The following HHAT variants were observed in gnomAD, a reference collection of about 807,000 sequenced individuals.
HHAT encodes the protein protein-cysteine N-palmitoyltransferase HHAT.
Under a neutral mutation model 70.8 loss-of-function variants are expected in HHAT, and 47 were observed. The observed-to-expected ratio is 0.66, with a 90% CI of 0.53 to 0.85. HHAT has a LOEUF of 0.85. HHAT is among the 40% of genes least tolerant of loss of function. The probability of loss-of-function intolerance (pLI) is 0.00; values close to 1 mark genes in which losing one functional copy is unlikely to be tolerated. For missense variants in HHAT, 609 were observed against 604.8 expected, an observed-to-expected ratio of 1.01 and a Z score of -0.07; for synonymous variants, 228 against 247.6, an observed-to-expected ratio of 0.92 and a Z score of 0.74.
At chr1:210,445,482 C>T (rs1027711937) in intron 7 of HHAT, among the ~76,000 whole-genome samples, 1 of 152,056 alleles carries the variant, frequency 6.6e-6, no homozygotes, top group African/African-American at 2.4e-5. Context: ...CTTTCTATGG[C>T]TTTACTGTAA....
rs139977180 is a variant in HHAT at position 210,501,852 on chromosome 1, A to C, written c.1008-11301A>C. Among the ~76,000 whole-genome samples the C allele has an allele frequency of 3.3e-5, 5 of 152,106 alleles. No homozygotes were observed. In the East Asian group the frequency reaches 5.8e-4, roughly 18 times the overall value. The stretch of plus-strand genomic sequence containing the variant: ...CACATCAAGAACACTGCCTTGCTTC[A>C]TCCGAGACCTTCTCCCTGAGCTGCC... On this transcript the variant is annotated intron_variant, in intron 8 of 11. Coordinates refer to ENST00000261458, the MANE Select transcript of HHAT (RefSeq NM_018194.6).
Position 210,511,554 on chromosome 1 carries a change from C to T in HHAT, c.1008-1599C>T, listed in dbSNP as rs139950141. On this transcript the variant is annotated intron_variant, in intron 8 of 11. Coordinates refer to ENST00000261458, the MANE Select transcript of HHAT (RefSeq NM_018194.6). ...GATGAGTCAAGGGTGTCGCCGGAAG[C>T]TAGGGACAGGCAGGGTCTGGACAGG... Among the ~76,000 whole-genome samples, 72 of 152,156 alleles carry T rather than the reference C, an allele frequency of 4.7e-4. No individual in the cohort carries two copies. The East Asian group carries it at 7.0e-3, about 15-fold the overall frequency.
intron 11 of HHAT, among the ~76,000 whole-genome samples, chr1:210,632,861 A>ATTT (rs1671145758): frequency 2.0e-5 from 3 of 152,306 alleles, no homozygotes; most frequent in Non-Finnish European, 4.4e-5. Flanking sequence ...ACATGCACAG[A>ATTT]GGAAGATAAT....
At chr1:210,442,991 C>A (rs1034036169) in intron 7 of HHAT, among the ~76,000 whole-genome samples, 2 of 152,154 alleles carry the variant, frequency 1.3e-5, no homozygotes, top group Non-Finnish European at 2.9e-5. Flanking sequence ...TTAGGTCTAA[C>A]ATTTAAGTCT....
At chr1:210,571,860 G>A (rs969293333) in intron 9 of HHAT, among the ~76,000 whole-genome samples, 5 of 152,204 alleles carry the variant, frequency 3.3e-5, no homozygotes, top group South Asian at 2.1e-4. Context: ...TGTGACACAC[G>A]TTTAATGTCA....
intron 11 of HHAT, among the ~76,000 whole-genome samples, chr1:210,635,266 T>C (rs1340872359): frequency 6.6e-6 from 1 of 152,168 alleles, no homozygotes; most frequent in African/African-American, 2.4e-5. Context: ...CCTGGGATCA[T>C]AGCCAGAGAG....
chr1:210,481,503 C>T (rs1001137342), intron 8 of HHAT, among the ~76,000 whole-genome samples: 1 of 152,070 alleles, frequency 6.6e-6, no homozygotes, highest in African/African-American at 2.4e-5. Context: ...TCACTTTTAA[C>T]AATGAAATCG....
intron 1 of HHAT, among the ~76,000 whole-genome samples, chr1:210,334,177 C>CTTTTTTTTTTTTTTTTTTTTTT (rs1342123521): frequency 1.2e-4 from 4 of 34,546 alleles, no homozygotes; most frequent in African/African-American, 6.6e-4. Flanking sequence ...TTTAGCGTGT[C>CTTTTTTTTTTTTTTTTTTTTTT]ATTTTTTTTT....
chr1:210,582,817 G>A (rs928209753), intron 9 of HHAT, among the ~76,000 whole-genome samples: 4 of 152,176 alleles, frequency 2.6e-5, no homozygotes, highest in Non-Finnish European at 4.4e-5. Flanking sequence ...GTTCAAAAGC[G>A]GAAGTTATAC....
intron 3 of HHAT, among the ~76,000 whole-genome samples, chr1:210,366,031 A>G (rs754620136): frequency 1.1e-4 from 16 of 152,044 alleles, no homozygotes; most frequent in Non-Finnish European, 2.1e-4. Flanking sequence ...CCTAGGCTCA[A>G]ACGATCCTTC....
intron 2 of HHAT, among the ~76,000 whole-genome samples, chr1:210,357,048 A>G (rs939163391): frequency 6.6e-6 from 1 of 152,230 alleles, no homozygotes; most frequent in African/African-American, 2.4e-5. Flanking sequence ...GGCTCCAAAC[A>G]TTCTGTTTGG....
intron 11 of HHAT, among the ~76,000 whole-genome samples, chr1:210,637,046 G>C (rs536246191): frequency 1.3e-5 from 2 of 152,074 alleles, no homozygotes; most frequent in African/African-American, 4.8e-5. Flanking sequence ...CACCTACCTC[G>C]TAGGGGGTTG....
chr1:210,556,965 G>A (rs2095578417), intron 9 of HHAT, among the ~76,000 whole-genome samples: 1 of 152,228 alleles, frequency 6.6e-6, no homozygotes, highest in Non-Finnish European at 1.5e-5. Context: ...GATTGTGGCT[G>A]TAGAAATAGG....
intron 1 of HHAT, among the ~76,000 whole-genome samples, chr1:210,339,899 A>G (rs952728152): frequency 6.6e-6 from 1 of 152,148 alleles, no homozygotes. Context: ...TATATTTTAA[A>G]CTATTCTGTA....
chr1:210,444,275 A>T (rs1194191528), intron 7 of HHAT, among the ~76,000 whole-genome samples: 1 of 117,918 alleles, frequency 8.5e-6, no homozygotes, highest in Admixed American at 8.8e-5. Context: ...TTTTTGCATC[A>T]ATGTTCATCA....
intron 7 of HHAT, among the ~76,000 whole-genome samples, chr1:210,454,707 G>A (rs1246046587): frequency 6.6e-6 from 1 of 152,210 alleles, no homozygotes; most frequent in Non-Finnish European, 1.5e-5. Flanking sequence ...TGAGGAACAA[G>A]ATGGGCAAAT....
At chr1:210,609,929 T>C (rs550267776) in intron 10 of HHAT, among the ~76,000 whole-genome samples, 1 of 152,348 alleles carries the variant, frequency 6.6e-6, no homozygotes, top group Non-Finnish European at 1.5e-5. Flanking sequence ...GGCGTTTAGA[T>C]TGACTCCATG....
At chr1:210,486,146 G>C (rs921295574) in intron 8 of HHAT, among the ~76,000 whole-genome samples, 32 of 152,176 alleles carry the variant, frequency 2.1e-4, no homozygotes, top group African/African-American at 7.7e-4. Context: ...CTTTTCATGG[G>C]TTTTCTTCTT....
intron 8 of HHAT, among the ~76,000 whole-genome samples, chr1:210,480,927 TTTG>T (rs1478615529): frequency 6.6e-6 from 1 of 152,214 alleles, no homozygotes; most frequent in Non-Finnish European, 1.5e-5. Context: ...CGAACAAATA[TTTG>T]TTGAGTGCCT....
Sources: gnomAD v4.1 joint callset for allele counts (sites outside exome capture counted in the v4.1 genomes callset) on GRCh38, gnomAD v4.1.1 for gene constraint, MANE v1.5 for transcripts, NCBI Gene and HGNC (gene_info 2026-07-23, HGNC 2026-07-21) for gene names.